HOXC4: variants seen among roughly 807,000 people sequenced by gnomAD.
The protein encoded by HOXC4 is homeobox C4.
HOXC4 carries 15 observed loss-of-function variants against 25.5 expected under a neutral mutation model. That is an observed-to-expected ratio of 0.59 (90% confidence interval 0.39 to 0.91). The LOEUF (loss-of-function observed/expected upper bound fraction) is 0.91, where lower values mean the gene tolerates loss of function less well. Ranked by LOEUF, HOXC4 falls within the 40% of genes least tolerant of loss-of-function variation. The pLI is 0.00. For missense variants in HOXC4, 342 were observed against 352.4 expected, an observed-to-expected ratio of 0.97 and a Z score of 0.24; for synonymous variants, 165 against 148.0, an observed-to-expected ratio of 1.11 and a Z score of -0.83.
chr12:54,054,115 C>A lies in HOXC4; in HGVS notation c.193C>A (p.Arg65Ser). ...GCCTCCGCGCCCTAGCTACCCTGAG[C>A]GCCAGTATAGCTGCACCAGTCTCCA... ...PPPPRPSYPERQYSCTSLQGP... is the reference protein window; with the variant it reads ...PPPPRPSYPESQYSCTSLQGP... Residue 65 changes from arginine to serine, a missense_variant, in exon 1 of 2, where the codon CGC (arginine) becomes AGC (serine). Coordinates refer to ENST00000430889, the MANE Select transcript of HOXC4 (RefSeq NM_153633.3). The A allele has an allele frequency of 6.2e-7, 1 of 1,614,180 alleles. No individual in the cohort carries two copies. Among genetic ancestry groups the A allele is most frequent in the Non-Finnish European group, 8.5e-7 (1 of 1,180,026 alleles).
intron 1 of HOXC4, among the ~76,000 whole-genome samples, chr12:54,041,630 C>G (rs1941274273): frequency 1.3e-5 from 2 of 152,210 alleles, no homozygotes; most frequent in South Asian, 4.1e-4. Flanking sequence ...CAGCTCTTCT[C>G]AGAAATCATT....
At chr12:54,050,067 A>G (rs1327234493), upstream of HOXC4, among the ~76,000 whole-genome samples, 2 of 152,090 alleles carry the variant, frequency 1.3e-5, no homozygotes, top group Non-Finnish European at 2.9e-5. Context: ...GAATTGGTTC[A>G]CCCATTTATT....
chr12:54,049,747 TAC>T (rs10590659), upstream of HOXC4, among the ~76,000 whole-genome samples: 22,066 of 125,594 alleles, frequency 0.18, 2,128 homozygotes, highest in Non-Finnish European at 0.24. Flanking sequence ...GACAAACACA[TAC>T]ACACACACAC....
At chr12:54,052,396 A>G (rs1937866388), upstream of HOXC4, among the ~76,000 whole-genome samples, 2 of 152,250 alleles carry the variant, frequency 1.3e-5, no homozygotes, top group Admixed American at 6.5e-5. Flanking sequence ...TATTGTTATC[A>G]AGTAAAATAT....
At chr12:54,029,419 C>CG (rs1414469876) in intron 1 of HOXC4, among the ~76,000 whole-genome samples, 1 of 140,970 alleles carries the variant, frequency 7.1e-6, no homozygotes, top group Admixed American at 6.9e-5. Flanking sequence ...CCGCCCCCCC[C>CG]CCCACCACAC....
chr12:54,017,056 A>C (rs1364138025), exon 1 of HOXC4: 2 of 132,114 alleles, frequency 1.5e-5, no homozygotes, highest in African/African-American at 2.8e-5. Context: ...GCAGCTGGGG[A>C]GGGTGGGGAT....
At chr12:54,032,078 C>T (rs1371896455) in intron 1 of HOXC4, among the ~76,000 whole-genome samples, 1 of 152,266 alleles carries the variant, frequency 6.6e-6, no homozygotes, top group African/African-American at 2.4e-5. Flanking sequence ...TCTAAAACCT[C>T]TGGCATAGGT....
chr12:54,026,324 C>G (rs1158384534), intron 1 of HOXC4, among the ~76,000 whole-genome samples: 1 of 152,206 alleles, frequency 6.6e-6, no homozygotes, highest in Non-Finnish European at 1.5e-5. Flanking sequence ...CCTGAAGCCT[C>G]AGCCAGCTGT....
At chr12:54,049,835 G>T (rs1937805486), upstream of HOXC4, among the ~76,000 whole-genome samples, 1 of 149,006 alleles carries the variant, frequency 6.7e-6, no homozygotes, top group Non-Finnish European at 1.5e-5. Flanking sequence ...TTTAGTTTTG[G>T]GTTTTCAAGT....
chr12:54,034,507 G>GCC (rs1371843749), intron 1 of HOXC4: 3 of 1,603,950 alleles, frequency 1.9e-6, no homozygotes. Context: ...AGCGGGGGAG[G>GCC]CCCGCAGAGC....
intron 1 of HOXC4, chr12:54,034,691 G>A: frequency 3.5e-6 from 2 of 575,484 alleles, no homozygotes; most frequent in Non-Finnish European, 6.2e-6. Flanking sequence ...TGTCGGCGCT[G>A]CCCCATCTCC....
intron 1 of HOXC4, chr12:54,028,927 T>A: frequency 6.2e-7 from 1 of 1,601,236 alleles, no homozygotes; most frequent in East Asian, 2.2e-5. Context: ...CAGTGGTGAG[T>A]TTTACAGCTC....
intron 1 of HOXC4, among the ~76,000 whole-genome samples, chr12:54,045,839 T>C (rs1006913744): frequency 2.6e-5 from 4 of 152,198 alleles, no homozygotes; most frequent in Non-Finnish European, 5.9e-5. Context: ...CTAGTCCCAC[T>C]AAGTTATCTG....
At position 54,054,172 on chromosome 12, in the gene HOXC4, G is replaced by A. The variant is rs1937914225; in HGVS notation, c.250G>A (p.Ala84Thr). ...GPGNSRGHGPAQAGHHHPEKS... is the reference protein window; with the variant it reads ...GPGNSRGHGPTQAGHHHPEKS... Reference sequence around the variant, plus strand: ...CGGCAATTCGCGAGGCCACGGGCCGGCCCAGGCGGGCCACCACCACCCCGA... The same window carrying A: ...CGGCAATTCGCGAGGCCACGGGCCGACCCAGGCGGGCCACCACCACCCCGA... The change falls in exon 1 of 2, where the codon GCC becomes ACC. Residue 84 changes from alanine (A) to threonine (T), a missense_variant. Physicochemically the swap from Ala to Thr is moderately conservative, Grantham distance 58. Coordinates refer to ENST00000430889, the MANE Select transcript of HOXC4 (RefSeq NM_153633.3). 2 of 1,613,482 alleles carry A rather than the reference G, an allele frequency of 1.2e-6. No homozygotes were observed. The highest frequency in any genetic ancestry group is 1.3e-5 in the African/African-American group (1 of 74,878).
intron 1 of HOXC4, among the ~76,000 whole-genome samples, chr12:54,040,538 T>C (rs1941255863): frequency 6.6e-6 from 1 of 152,236 alleles, no homozygotes; most frequent in African/African-American, 2.4e-5. Context: ...TACAAAGTTG[T>C]ATCTGGGAGT....
chr12:54,050,665 A>G (rs1227114430), upstream of HOXC4, among the ~76,000 whole-genome samples: 1 of 150,032 alleles, frequency 6.7e-6, no homozygotes, highest in African/African-American at 2.5e-5. Context: ...GTGGTATTTT[A>G]CCCATGTGAC....
intron 1 of HOXC4, among the ~76,000 whole-genome samples, chr12:54,046,197 G>A (rs1488789408): frequency 2.6e-5 from 4 of 152,344 alleles, no homozygotes; most frequent in East Asian, 3.9e-4. Flanking sequence ...TTAAGCGGCC[G>A]CCTTGCGCCC....
At chr12:54,040,466 A>G (rs1384925697) in intron 1 of HOXC4, among the ~76,000 whole-genome samples, 1 of 152,120 alleles carries the variant, frequency 6.6e-6, no homozygotes, top group Non-Finnish European at 1.5e-5. Context: ...AGCATATTCT[A>G]GCCTCCTCTG....
chr12:54,043,082 G>A lies in HOXC4; in HGVS notation c.-123-10078G>A, dbSNP rs1191021645. On this transcript the variant is annotated intron_variant, in intron 1 of 3. Coordinates refer to the HOXC4 transcript ENST00000303406. ...GTATGGGTGTGCAATGTGGGACTTG[G>A]GAAAATTGGACTCGGTTATGCAGGA... 3.9e-5 allele frequency among the ~76,000 whole-genome samples: 6 copies of A among 152,208 alleles called. No individual in the cohort carries two copies. In the East Asian group the frequency reaches 1.2e-3, roughly 29 times the overall value.
Sources: allele counts gnomAD v4.1 joint callset (sites outside exome capture counted in the v4.1 genomes callset), GRCh38; gene constraint gnomAD v4.1.1; transcripts MANE v1.5; gene names NCBI Gene and HGNC (gene_info 2026-07-23, HGNC 2026-07-21).